The following SNX5 variants were observed in gnomAD, a reference collection of about 807,000 sequenced individuals.
SNX5 encodes the protein sorting nexin-5.
Under a neutral mutation model 53.9 loss-of-function variants are expected in SNX5, and 31 were observed. The observed-to-expected ratio is 0.58, with a 90% confidence interval of 0.43 to 0.78. The LOEUF is 0.78. Ranked by LOEUF, SNX5 falls within the 30% of genes least tolerant of loss-of-function variation. The probability of loss-of-function intolerance (pLI) is 0.00; values close to 1 mark genes in which losing one functional copy is unlikely to be tolerated. For missense variants in SNX5, 471 were observed against 478.8 expected (o/e 0.98, Z 0.15); for synonymous variants, 168 against 171.1 (o/e 0.98, Z 0.14).
intron 1 of SNX5, among the ~76,000 whole-genome samples, chr20:17,965,206 A>T (rs1461797692): frequency 6.6e-6 from 1 of 152,030 alleles, no homozygotes; most frequent in East Asian, 1.9e-4. Flanking sequence ...TTGACTTCTT[A>T]TCACCATGGG....
intron 11 of SNX5, among the ~76,000 whole-genome samples, chr20:17,945,711 A>G (rs991106232): frequency 2.6e-5 from 4 of 152,014 alleles, no homozygotes; most frequent in African/African-American, 7.2e-5. Context: ...GCCTGTCTAC[A>G]TGACATTTGC....
intron 1 of SNX5, among the ~76,000 whole-genome samples, chr20:17,966,213 C>T (rs1290311399): frequency 3.9e-5 from 6 of 152,018 alleles, no homozygotes; most frequent in East Asian, 1.9e-4. Context: ...TGGTGAAACC[C>T]GGTCTCCACA....
rs895276778 is a variant in SNX5, at chr20:17,950,356, A to G, written c.650T>C (p.Ile217Thr). ...ATCTTTGATCCTATTGTAATAGTTA[A>G]TAAGGAAGTTCTTCTCTTGCTCAAA... ...DFFEQEKNFLINYYNRIKDSC... is the reference protein window; with the variant it reads ...DFFEQEKNFLTNYYNRIKDSC... The change falls in exon 7 of 13, where the codon ATT becomes ACT. Residue 217 changes from isoleucine to threonine, a missense_variant. Ile to Thr is a moderately conservative substitution (Grantham distance 89). Coordinates refer to ENST00000377759, the MANE Select transcript of SNX5 (RefSeq NM_014426.4). The G allele has an allele frequency of 6.2e-7, 1 of 1,613,254 alleles. No individual in the cohort carries two copies. The highest frequency in any genetic ancestry group is 1.3e-5 in the African/African-American group (1 of 74,932).
rs1032350994 is a variant in SNX5 at position 17,950,112 on chromosome 20, G to C, written c.791+20C>G. On this transcript the variant is annotated intron_variant, in intron 8 of 12. Transcript: ENST00000377759. ...ACTCTTCAATTGGGTTAGGGGAAAT[G>C]CTTTTCCAAAAAAACTTACTTTTTG... is the stretch of plus-strand genomic sequence containing the variant. The C allele has an allele frequency of 3.1e-6, 5 of 1,610,082 alleles. No individual in the cohort carries two copies. Among genetic ancestry groups the C allele is most frequent in the Non-Finnish European group, 4.3e-6 (5 of 1,176,450 alleles).
At chr20:17,942,444 T>C (rs761720971) in intron 12 of SNX5, 37 bp from the exon 13 acceptor site, 4 of 1,532,144 alleles carry the variant, frequency 2.6e-6, no homozygotes, top group Middle Eastern at 1.7e-4. Flanking sequence ...CAGTGAATTA[T>C]TAAAACTTGC....
intron 1 of SNX5, chr20:17,961,073 G>GT (rs1278693422): frequency 4.3e-6 from 4 of 925,728 alleles, no homozygotes; most frequent in African/African-American, 3.6e-5. Context: ...AGTGCTTTTG[G>GT]TAAGAGAGCC....
In SNX5 at chr20:17,942,334, C is replaced by CT; in HGVS notation, c.*22dup. On this transcript the variant is annotated 3_prime_UTR_variant, in exon 13 of 13. Coordinates refer to ENST00000377759, the MANE Select transcript of SNX5 (RefSeq NM_014426.4). ...GCTTGGCTTTCTTTCACATTCATTT[C>CT]TTTTCTTCTGAGTGAAGGCATATCA... 1 of 1,516,758 alleles carries CT rather than the reference C, an allele frequency of 6.6e-7. No homozygotes were observed. The highest frequency in any genetic ancestry group is 9.2e-7 in the Non-Finnish European group (1 of 1,091,518). The allele number at this position is 1,516,758 out of a possible 1,614,324, so 94.0% of individuals were successfully genotyped here.
At chr20:17,954,141 G>A (rs757262591) in intron 3 of SNX5, 24 bp from the exon 4 acceptor site, 32 of 1,611,932 alleles carry the variant, frequency 2.0e-5, no homozygotes, top group Admixed American at 1.8e-4. Flanking sequence ...AGGAACTCAT[G>A]AGCCTCTTGT....
chr20:17,951,927 A>G (rs924881960), intron 5 of SNX5, among the ~76,000 whole-genome samples: 1 of 152,224 alleles, frequency 6.6e-6, no homozygotes, highest in African/African-American at 2.4e-5. Flanking sequence ...AAATAGCATA[A>G]AAGTCATAAT....
chr20:17,946,137 G>A (rs2039484982), intron 11 of SNX5, among the ~76,000 whole-genome samples: 1 of 152,196 alleles, frequency 6.6e-6, no homozygotes, highest in African/African-American at 2.4e-5. Flanking sequence ...TGCTCTAAGA[G>A]GTGAAATGGA....
intron 1 of SNX5, among the ~76,000 whole-genome samples, chr20:17,960,411 C>A (rs2035427600): frequency 6.6e-6 from 1 of 152,002 alleles, no homozygotes; most frequent in African/African-American, 2.4e-5. Flanking sequence ...TTGGCCAACA[C>A]GGTGAAACCC....
intron 5 of SNX5, 48 bp downstream of exon 5, chr20:17,952,539 G>A (rs1021586956): frequency 2.5e-6 from 4 of 1,572,366 alleles, no homozygotes; most frequent in East Asian, 4.5e-5. Flanking sequence ...CATTTTGAAA[G>A]TATAAACATT....
intron 1 of SNX5, chr20:17,962,659 A>G: frequency 1.9e-6 from 1 of 516,104 alleles, no homozygotes; most frequent in Non-Finnish European, 3.9e-6. Flanking sequence ...GCTAATAGCT[A>G]TTAAAGCTAC....
At chr20:17,946,190 T>C (rs1294186910) in intron 11 of SNX5, among the ~76,000 whole-genome samples, 1 of 152,216 alleles carries the variant, frequency 6.6e-6, no homozygotes, top group Non-Finnish European at 1.5e-5. Flanking sequence ...TGGACCGGAC[T>C]TGTGATCCCT....
intron 1 of SNX5, chr20:17,968,159 G>A (rs976651465): frequency 4.9e-6 from 2 of 405,340 alleles, no homozygotes; most frequent in Non-Finnish European, 8.6e-6. Flanking sequence ...CGCGTCTCTG[G>A]TTCTGTCCTA....
Position 17,943,106 on chromosome 20 carries a change from T to G in SNX5, c.1164+4A>C. 1.3e-6 allele frequency: 2 copies of G among 1,577,376 alleles called. No homozygotes were observed. Among genetic ancestry groups the G allele is most frequent in the Non-Finnish European group, 1.7e-6 (2 of 1,147,430 alleles). The stretch of plus-strand genomic sequence containing the variant: ...TGTTGGCTTCATCTGTAGAAAACAC[T>G]TACCCTGGCATGTTTTATTTCCAGT... On this transcript the variant is annotated splice_donor_region_variant and intron_variant, in intron 12 of 12. Transcript: ENST00000377759.
At chr20:17,942,671 C>T (rs2039433463) in intron 12 of SNX5, 1 of 510,658 alleles carries the variant, frequency 2.0e-6, no homozygotes, top group Non-Finnish European at 3.5e-6. Flanking sequence ...CCTGCTTGCT[C>T]CTAAATGTGA....
chr20:17,968,611 G>A lies in SNX5; in HGVS notation c.-186C>T, dbSNP rs760847499. 1.8e-4 allele frequency: 113 copies of A among 634,352 alleles called. No individual in the cohort carries two copies. The highest frequency in any genetic ancestry group is 3.8e-4 in the Middle Eastern group (1 of 2,642). 39.3% of individuals were successfully genotyped at this position (634,352 alleles called of 1,614,324 possible). A position where few individuals can be genotyped will look rare whatever the true frequency, so the allele number is the denominator to read the frequency against. ...TCCCAGCTGCCCCGGGAGCAGGCGA[G>A]CAGGGCGCCACGTGCTCCCCCAGAG... is the stretch of plus-strand genomic sequence containing the variant. On this transcript the variant is annotated 5_prime_UTR_variant, in exon 1 of 13. Transcript: ENST00000377759.
intron 3 of SNX5, 33 bp from the exon 4 acceptor site, chr20:17,954,150 G>T (rs1209728684): frequency 6.2e-7 from 1 of 1,609,676 alleles, no homozygotes; most frequent in Non-Finnish European, 8.5e-7. Flanking sequence ...TGAGCCTCTT[G>T]TCCCAGCAGC....
Sources: allele counts gnomAD v4.1 joint callset (sites outside exome capture counted in the v4.1 genomes callset), GRCh38; gene constraint gnomAD v4.1.1; transcripts MANE v1.5; gene names NCBI Gene and HGNC (gene_info 2026-07-23, HGNC 2026-07-21).